ZNF438: variants seen among roughly 807,000 people sequenced by gnomAD.
The protein encoded by ZNF438 is zinc finger protein 438.
ZNF438 carries 25 observed loss-of-function variants against 38.0 expected under a neutral mutation model. The ratio of observed to expected loss-of-function variants is 0.66; its 90% confidence interval spans 0.48 to 0.92. ZNF438 has a LOEUF of 0.92. ZNF438 is among the 40% of genes least tolerant of loss of function. The pLI, the probability that ZNF438 is intolerant of heterozygous loss-of-function variation, is 0.00. For synonymous variants in ZNF438, 372 were observed against 364.1 expected (o/e 1.02, Z -0.25); for missense variants, 1,007 against 999.6 (o/e 1.01, Z -0.10).
intron 1 of ZNF438, among the ~76,000 whole-genome samples, chr10:30,997,740 G>C (rs1274036314): frequency 2.0e-5 from 3 of 152,068 alleles, no homozygotes; most frequent in Admixed American, 6.5e-5. Context: ...TTCTAAGAAA[G>C]TTTTCTTCAT....
chr10:30,875,064 C>T (rs1405437383), intron 4 of ZNF438, among the ~76,000 whole-genome samples: 3 of 151,968 alleles, frequency 2.0e-5, no homozygotes, highest in Non-Finnish European at 4.4e-5. Flanking sequence ...ATTATATATC[C>T]TCTGTCAAAT....
At chr10:30,905,413 G>T (rs541616177) in intron 3 of ZNF438, among the ~76,000 whole-genome samples, 22 of 152,314 alleles carry the variant, frequency 1.4e-4, no homozygotes, top group African/African-American at 5.1e-4. Context: ...ATCTTCTTCG[G>T]AAAAATGTCT....
At chr10:30,949,054 G>A (rs956066499) in intron 1 of ZNF438, among the ~76,000 whole-genome samples, 30 of 151,968 alleles carry the variant, frequency 2.0e-4, no homozygotes, top group South Asian at 6.2e-4. Context: ...CGGATCTCTC[G>A]GCAGAAACCC....
At chr10:31,030,489 G>A (rs147595349) in intron 1 of ZNF438, among the ~76,000 whole-genome samples, 22 of 152,256 alleles carry the variant, frequency 1.4e-4, no homozygotes, top group African/African-American at 4.8e-4. Context: ...TTGCACTCTC[G>A]TGATCTCATT....
chr10:30,893,726 G>A (rs184624657), intron 3 of ZNF438, among the ~76,000 whole-genome samples: 1 of 152,114 alleles, frequency 6.6e-6, no homozygotes, highest in Non-Finnish European at 1.5e-5. Context: ...ATACTAAGTG[G>A]TTTATTTTAG....
At chr10:31,004,439 G>C (rs1326829801) in intron 1 of ZNF438, among the ~76,000 whole-genome samples, 1 of 152,176 alleles carries the variant, frequency 6.6e-6, no homozygotes, top group African/African-American at 2.4e-5. Context: ...CAAAGGCCAA[G>C]AGACAAGTGT....
At chr10:30,855,054 A>G (rs548565485) in intron 4 of ZNF438, among the ~76,000 whole-genome samples, 3 of 152,360 alleles carry the variant, frequency 2.0e-5, no homozygotes, top group Admixed American at 2.0e-4. Flanking sequence ...ATAGAGCCAT[A>G]CCAAAAGGGA....
intron 1 of ZNF438, among the ~76,000 whole-genome samples, chr10:30,989,974 C>T (rs1179671014): frequency 1.3e-5 from 2 of 152,152 alleles, no homozygotes; most frequent in African/African-American, 4.8e-5. Context: ...AGTAGGGCTT[C>T]TAAGAGAAAT....
Position 30,871,386 on chromosome 10 carries a change from T to C in ZNF438, c.37+5612A>G, listed in dbSNP as rs187480103. 4.0e-5 allele frequency among the ~76,000 whole-genome samples: 6 copies of C among 151,582 alleles called. No individual in the cohort carries two copies. In the Admixed American group the frequency reaches 4.0e-4, roughly 10 times the overall value. On this transcript the variant is annotated intron_variant, in intron 4 of 5. Coordinates refer to ENST00000413025, the Ensembl canonical transcript of ZNF438. ...GTGTGATTGATTTATAAAAACTGTTTGAGAGTTTAAAGCATTTTATACATA... is the reference window on the plus strand; with the variant it reads ...GTGTGATTGATTTATAAAAACTGTTCGAGAGTTTAAAGCATTTTATACATA...
chr10:31,009,992 G>A (rs1280057486), intron 1 of ZNF438, among the ~76,000 whole-genome samples: 1 of 151,942 alleles, frequency 6.6e-6, no homozygotes, highest in Admixed American at 6.6e-5. Flanking sequence ...GGGATTACAG[G>A]TGCCTGCCAT....
intron 3 of ZNF438, among the ~76,000 whole-genome samples, chr10:30,885,868 A>G (rs962439638): frequency 2.0e-5 from 3 of 152,232 alleles, no homozygotes; most frequent in Admixed American, 6.5e-5. Flanking sequence ...AACCTGGGAA[A>G]TAAAAAAATT....
intron 1 of ZNF438, among the ~76,000 whole-genome samples, chr10:30,945,030 T>C (rs1228179882): frequency 6.6e-6 from 1 of 152,016 alleles, no homozygotes; most frequent in Non-Finnish European, 1.5e-5. Flanking sequence ...TTTTCTACTT[T>C]ACAGTACTCT....
chr10:31,026,611 G>A (rs149670650), intron 1 of ZNF438, among the ~76,000 whole-genome samples: 2,343 of 152,232 alleles, frequency 0.015, 53 homozygotes, highest in African/African-American at 0.054. Context: ...GAGAGGATGT[G>A]GAGAAATAGG....
intron 1 of ZNF438, among the ~76,000 whole-genome samples, chr10:30,953,490 C>T (rs1208286473): frequency 6.6e-6 from 1 of 150,834 alleles, no homozygotes; most frequent in East Asian, 1.9e-4. Context: ...CTGGAGGGAG[C>T]TATATTACTA....
chr10:30,941,157 G>A (rs1340661222), intron 2 of ZNF438, among the ~76,000 whole-genome samples: 2 of 151,894 alleles, frequency 1.3e-5, no homozygotes, highest in Admixed American at 6.6e-5. Flanking sequence ...TTGCAACCTC[G>A]GCCTCCAGGG....
intron 1 of ZNF438, among the ~76,000 whole-genome samples, chr10:30,944,920 A>G (rs1312448572): frequency 1.8e-4 from 27 of 151,746 alleles, no homozygotes; most frequent in Admixed American, 1.8e-3. Context: ...TTATTCTTAT[A>G]TTGTTAATTT....
intron 2 of ZNF438, among the ~76,000 whole-genome samples, chr10:30,929,510 G>A (rs761065464): frequency 6.6e-6 from 1 of 152,212 alleles, no homozygotes; most frequent in Non-Finnish European, 1.5e-5. Flanking sequence ...GCTCATAAAG[G>A]CAGTGTGGAC....
intron 3 of ZNF438, among the ~76,000 whole-genome samples, chr10:30,888,479 C>T (rs187860241): frequency 2.6e-4 from 40 of 152,122 alleles, no homozygotes; most frequent in African/African-American, 9.2e-4. Flanking sequence ...AGGTACTAAA[C>T]CTAATACCCA....
chr10:30,931,632 A>G (rs1267655375), intron 2 of ZNF438, among the ~76,000 whole-genome samples: 3 of 152,240 alleles, frequency 2.0e-5, no homozygotes, highest in Admixed American at 6.5e-5. Flanking sequence ...TCTTCAAGGT[A>G]GCAGTATCTT....
Sources: allele counts gnomAD v4.1 joint callset (sites outside exome capture counted in the v4.1 genomes callset), GRCh38; gene constraint gnomAD v4.1.1; transcripts MANE v1.5; gene names NCBI Gene and HGNC (gene_info 2026-07-23, HGNC 2026-07-21).